CIT: variants seen among roughly 807,000 people sequenced by gnomAD.
The protein encoded by CIT is citron Rho-interacting kinase.
CIT carries 79 observed loss-of-function variants against 272.7 expected under a neutral mutation model. The observed-to-expected ratio is 0.29, with a 90% CI of 0.24 to 0.35. CIT has a LOEUF of 0.35. CIT is among the 10% of genes least tolerant of loss of function. The pLI, the probability that CIT is intolerant of heterozygous loss-of-function variation, is 1.00. For synonymous variants in CIT, 948 were observed against 995.6 expected (o/e 0.95, Z 0.90); for missense variants, 1,909 against 2,618.3 (o/e 0.73, Z 5.91).
At chr12:119,717,403 T>C (rs1957550744) in intron 32 of CIT, among the ~76,000 whole-genome samples, 1 of 101,014 alleles carries the variant, frequency 9.9e-6, no homozygotes, top group Non-Finnish European at 2.1e-5. Context: ...TTTCATATTC[T>C]TTTTTCTTTT....
intron 10 of CIT, among the ~76,000 whole-genome samples, chr12:119,790,825 T>C (rs1017340779): frequency 1.3e-5 from 2 of 152,148 alleles, no homozygotes; most frequent in African/African-American, 4.8e-5. Flanking sequence ...AAAATGTCAA[T>C]AGTGCCAACT....
At chr12:119,799,431 C>A (rs1019107297) in intron 10 of CIT, among the ~76,000 whole-genome samples, 2 of 152,144 alleles carry the variant, frequency 1.3e-5, no homozygotes, top group African/African-American at 2.4e-5. Context: ...AAGGAAGAGG[C>A]ACCAAAAACT....
chr12:119,794,074 G>A (rs965206648), intron 10 of CIT, among the ~76,000 whole-genome samples: 4 of 152,022 alleles, frequency 2.6e-5, no homozygotes, highest in Non-Finnish European at 4.4e-5. Flanking sequence ...CTTTCCTTGC[G>A]GACCCAGTCT....
intron 9 of CIT, among the ~76,000 whole-genome samples, chr12:119,806,789 A>G (rs1434506393): frequency 6.6e-6 from 1 of 152,212 alleles, no homozygotes; most frequent in Non-Finnish European, 1.5e-5. Context: ...GAGCCATGAA[A>G]CAAATTTTTA....
At chr12:119,707,495 G>A (rs1005816822) in intron 40 of CIT, among the ~76,000 whole-genome samples, 5 of 151,798 alleles carry the variant, frequency 3.3e-5, no homozygotes, top group Non-Finnish European at 5.9e-5. Context: ...AAAGAGACTC[G>A]ACGAAAACCA....
chr12:119,841,969 A>T (rs1969439785), intron 5 of CIT, among the ~76,000 whole-genome samples: 1 of 152,212 alleles, frequency 6.6e-6, no homozygotes, highest in African/African-American at 2.4e-5. Flanking sequence ...AAACATTTGG[A>T]GTGAACACAA....
At chr12:119,725,268 C>CA (rs1051771771) in intron 28 of CIT, among the ~76,000 whole-genome samples, 1 of 151,574 alleles carries the variant, frequency 6.6e-6, no homozygotes, top group Non-Finnish European at 1.5e-5. Flanking sequence ...ACTAAAAATA[C>CA]AAAAAAATTT....
In CIT at chr12:119,712,820, C is replaced by T. The variant is rs909909593; in HGVS notation, c.4580-125G>A. The T allele has an allele frequency of 7.0e-6, 5 of 719,306 alleles. No homozygotes were observed. The highest frequency in any genetic ancestry group is 7.1e-6 in the Non-Finnish European group (3 of 423,908). The allele number at this position is 719,306 out of a possible 1,614,324, so 44.6% of individuals were successfully genotyped here. ...GGGTACGTGTGTAAAGAGAGGCGCACGAGAACAAGGAAGGGACAGAGGTGT... is the reference window on the plus strand; with the variant it reads ...GGGTACGTGTGTAAAGAGAGGCGCATGAGAACAAGGAAGGGACAGAGGTGT... On this transcript the variant is annotated intron_variant, in intron 35 of 47. Coordinates refer to ENST00000392521, the MANE Select transcript of CIT (RefSeq NM_001206999.2). The surrounding 1 kb of genome is among the most constrained non-coding windows in gnomAD (Gnocchi z 5.2).
chr12:119,831,886 G>GAAAAA (rs1968668319), intron 7 of CIT, among the ~76,000 whole-genome samples: 1 of 152,056 alleles, frequency 6.6e-6, no homozygotes, highest in South Asian at 2.1e-4. Context: ...AAAGAAAAAA[G>GAAAAA]AAAAAGAAAA....
chr12:119,844,937 G>A (rs1423495441), intron 5 of CIT, among the ~76,000 whole-genome samples: 2 of 151,870 alleles, frequency 1.3e-5, no homozygotes, highest in East Asian at 3.9e-4. Flanking sequence ...TGGCTAACAC[G>A]GTGAAACCCC....
At chr12:119,766,791 G>C (rs931118459) in intron 19 of CIT, among the ~76,000 whole-genome samples, 1 of 150,894 alleles carries the variant, frequency 6.6e-6, no homozygotes, top group Non-Finnish European at 1.5e-5. Flanking sequence ...AAAGAAAAAG[G>C]ATTATAGAAA....
At chr12:119,822,999 A>G (rs541485770) in intron 8 of CIT, 26 bp from the exon 9 acceptor site, 2 of 1,594,430 alleles carry the variant, frequency 1.3e-6, no homozygotes, top group South Asian at 2.3e-5. Flanking sequence ...TAAGAGAATT[A>G]TTTCCTTAGT....
intron 13 of CIT, 107 bp from the exon 14 acceptor site, chr12:119,776,949 G>A: frequency 1.6e-6 from 2 of 1,242,934 alleles, no homozygotes; most frequent in South Asian, 2.5e-5. Context: ...GCACAGTGAA[G>A]AGAGACTGGC....
intron 40 of CIT, among the ~76,000 whole-genome samples, chr12:119,705,852 G>T (rs1459887795): frequency 6.6e-6 from 1 of 151,122 alleles, no homozygotes; most frequent in Non-Finnish European, 1.5e-5. Flanking sequence ...CACTTTGGGA[G>T]GCCAAGGTGG....
At chr12:119,772,374 C>T (rs181412092) in intron 17 of CIT, among the ~76,000 whole-genome samples, 190 of 152,034 alleles carry the variant, frequency 1.2e-3, no homozygotes, top group African/African-American at 4.1e-3. Flanking sequence ...GTCATTGACG[C>T]GCAGGTAATA....
At position 119,850,202 on chromosome 12, in the gene CIT, G is replaced by A. The variant is rs1970111873; in HGVS notation, c.488C>T (p.Ala163Val). 6.2e-7 allele frequency: 1 copy of A among 1,611,936 alleles called. No homozygotes were observed. Among genetic ancestry groups the A allele is most frequent in the African/African-American group, 1.3e-5 (1 of 74,800 alleles). Residue 163 changes from alanine to valine, a missense_variant, in exon 5 of 48, where the codon GCC becomes GTC. By Grantham distance (64) the Ala-to-Val change is moderately conservative (BLOSUM62 0). Coordinates refer to ENST00000392521, the MANE Select transcript of CIT (RefSeq NM_001206999.2). ...ATAAAGGTGATTTTTGTCCTGAAAG[G>A]CATACTGTAATTGGGGGATCCACGG... ...TSPWIPQLQY[A>V]FQDKNHLYLV...
chr12:119,751,500 C>T (rs1036003069), intron 23 of CIT, among the ~76,000 whole-genome samples: 1 of 151,044 alleles, frequency 6.6e-6, no homozygotes, highest in Admixed American at 6.6e-5. Context: ...TCAGAAAGAA[C>T]AAGGAAGCCA....
Position 119,718,832 on chromosome 12 carries a change from A to T in CIT, c.3870T>A (p.Pro1290=). ...GCAGAGGAACCTGTGTGGGTAAAGC[A>T]GGGTCCTCTTTCCGTCGACTAAATA... ...KGLFSRRKED[P]ALPTQVPLQY... Residue 1290 remains proline (P), a synonymous_variant, in exon 31 of 48, where the codon CCT becomes CCA. Transcript: ENST00000392521. This position sits in a 1 kb window ranked among gnomAD's most constrained non-coding sequence, Gnocchi z 4.8. 1 of 1,614,190 alleles carries T rather than the reference A, an allele frequency of 6.2e-7. No homozygotes were observed. Among genetic ancestry groups the T allele is most frequent in the Non-Finnish European group, 8.5e-7 (1 of 1,180,030 alleles).
chr12:119,747,475 C>CT (rs1959599568), intron 23 of CIT, among the ~76,000 whole-genome samples: 1 of 150,870 alleles, frequency 6.6e-6, no homozygotes, highest in Admixed American at 6.6e-5. Flanking sequence ...AATCCCAGCA[C>CT]TTTGGGAGGC....
Sources: gnomAD v4.1 joint callset for allele counts (sites outside exome capture counted in the v4.1 genomes callset) on GRCh38, gnomAD v4.1.1 for gene constraint, Gnocchi (gnomAD v3.1) non-coding constraint, MANE v1.5 for transcripts, NCBI Gene and HGNC (gene_info 2026-07-23, HGNC 2026-07-21) for gene names.